Variants in CSMD3 observed in about 807,000 individuals in gnomAD.
CSMD3 encodes the protein CUB and sushi domain-containing protein 3.
CSMD3 carries 177 observed loss-of-function variants against 435.2 expected under a neutral mutation model. The observed-to-expected ratio is 0.41, with a 90% CI of 0.36 to 0.46. CSMD3 has a LOEUF of 0.46. Among genes scored for constraint, CSMD3 ranks in the 20% least tolerant of loss-of-function variants. The pLI is 0.34. For missense variants in CSMD3, 4,265 were observed against 4,504.6 expected (o/e 0.95, Z 1.52); for synonymous variants, 1,656 against 1,520.5 (o/e 1.09, Z -2.07).
chr8:113,121,454 C>T (rs1003843539), intron 4 of CSMD3, among the ~76,000 whole-genome samples: 1 of 152,048 alleles, frequency 6.6e-6, no homozygotes, highest in African/African-American at 2.4e-5. Context: ...GAGGTGATCA[C>T]GTAAAATCTT....
chr8:113,202,961 A>G (rs1028833388), intron 3 of CSMD3, among the ~76,000 whole-genome samples: 1 of 152,100 alleles, frequency 6.6e-6, no homozygotes, highest in Non-Finnish European at 1.5e-5. Context: ...CAATTTATGG[A>G]ATTACAGAAG....
intron 52 of CSMD3, among the ~76,000 whole-genome samples, 153 bp from the exon 53 acceptor site, chr8:112,302,119 T>C (rs932177254): frequency 2.6e-5 from 4 of 152,032 alleles, no homozygotes; most frequent in South Asian, 4.1e-4. Context: ...AGTGTGAAAG[T>C]AGGGAGAAAA....
chr8:113,220,350 G>A (rs1165470763), intron 3 of CSMD3, among the ~76,000 whole-genome samples: 2 of 151,352 alleles, frequency 1.3e-5, no homozygotes, highest in African/African-American at 2.4e-5. Context: ...ATCCTGGAAT[G>A]TCTTGTTATG....
At chr8:112,777,360 T>C (rs1178754022) in intron 13 of CSMD3, among the ~76,000 whole-genome samples, 1 of 151,830 alleles carries the variant, frequency 6.6e-6, no homozygotes, top group Non-Finnish European at 1.5e-5. Context: ...TTTTTCTATT[T>C]GTATAAGGCA....
chr8:112,849,805 G>T (rs950910629), intron 11 of CSMD3, among the ~76,000 whole-genome samples: 1 of 151,854 alleles, frequency 6.6e-6, no homozygotes, highest in Non-Finnish European at 1.5e-5. Flanking sequence ...TAAGTTATGG[G>T]GTAGGACACA....
chr8:113,426,705 A>G (rs1410069123), intron 1 of CSMD3, among the ~76,000 whole-genome samples: 1 of 151,492 alleles, frequency 6.6e-6, no homozygotes, highest in African/African-American at 2.4e-5. Flanking sequence ...TGAAATGTCA[A>G]GTGAATTTGT....
At chr8:113,356,366 T>C (rs992230969) in intron 1 of CSMD3, among the ~76,000 whole-genome samples, 6 of 152,248 alleles carry the variant, frequency 3.9e-5, no homozygotes, top group East Asian at 3.9e-4. Context: ...AGAACTATGT[T>C]CATCAAACCT....
intron 13 of CSMD3, among the ~76,000 whole-genome samples, chr8:112,699,253 G>C (rs904605278): frequency 1.3e-5 from 2 of 152,134 alleles, no homozygotes; most frequent in African/African-American, 4.8e-5. Context: ...CTTCACTCCT[G>C]AAGTCAGCAA....
At chr8:112,403,395 A>G (rs1485728996) in intron 35 of CSMD3, among the ~76,000 whole-genome samples, 1 of 152,188 alleles carries the variant, frequency 6.6e-6, no homozygotes. Context: ...ACAAATATGT[A>G]TTTAAATTAC....
intron 1 of CSMD3, among the ~76,000 whole-genome samples, chr8:113,332,642 T>C (rs991948375): frequency 1.3e-5 from 2 of 151,736 alleles, no homozygotes; most frequent in Admixed American, 6.6e-5. Flanking sequence ...AAATAAATGA[T>C]AGATATCCTT....
intron 30 of CSMD3, among the ~76,000 whole-genome samples, chr8:112,496,271 G>A (rs989386134): frequency 3.3e-5 from 5 of 152,176 alleles, no homozygotes; most frequent in East Asian, 1.9e-4. Context: ...GTCCAGCCAC[G>A]TCTTAATTTT....
chr8:112,531,197 G>A (rs979134374), intron 27 of CSMD3, among the ~76,000 whole-genome samples: 4 of 152,140 alleles, frequency 2.6e-5, no homozygotes, highest in Non-Finnish European at 5.9e-5. Context: ...CACAGCATGC[G>A]GCAGATCCCC....
chr8:112,795,872 A>C (rs773222690), intron 13 of CSMD3, among the ~76,000 whole-genome samples: 2 of 152,200 alleles, frequency 1.3e-5, no homozygotes, highest in Non-Finnish European at 2.9e-5. Context: ...ACAAGTATAC[A>C]AAAATCAAAA....
intron 5 of CSMD3, among the ~76,000 whole-genome samples, chr8:113,097,105 T>A (rs1317047456): frequency 6.6e-6 from 1 of 152,084 alleles, no homozygotes; most frequent in Non-Finnish European, 1.5e-5. Flanking sequence ...TTTCTCTTAA[T>A]TCTGATATTA....
chr8:112,702,929 G>A lies in CSMD3; in HGVS notation c.1973-12879C>T, dbSNP rs1207607985. The stretch of plus-strand genomic sequence containing the variant: ...AGAGATATGGTACAATCCTTTGTTA[G>A]TTTCCTTAAGCTCTACCCCCACACA... On this transcript the variant is annotated intron_variant, in intron 13 of 70. Transcript: ENST00000297405. Among the ~76,000 whole-genome samples, 3 of 152,146 alleles carry A rather than the reference G, an allele frequency of 2.0e-5. No homozygotes were observed. The East Asian group carries it at 5.8e-4, about 29-fold the overall frequency.
At chr8:113,436,655 G>A (rs781243931) in intron 1 of CSMD3, 22 bp downstream of exon 1, 8 of 1,613,092 alleles carry the variant, frequency 5.0e-6, no homozygotes, top group Non-Finnish European at 6.8e-6. Flanking sequence ...CAAAGCGGAG[G>A]GGACCCCCAA....
At chr8:112,528,454 T>A (rs574963742) in intron 27 of CSMD3, among the ~76,000 whole-genome samples, 2 of 152,060 alleles carry the variant, frequency 1.3e-5, no homozygotes, top group African/African-American at 4.8e-5. Context: ...TGCTAGCAAG[T>A]AATTAGGAAA....
intron 1 of CSMD3, among the ~76,000 whole-genome samples, chr8:113,363,424 C>T (rs879023042): frequency 6.6e-6 from 1 of 152,102 alleles, no homozygotes; most frequent in Admixed American, 6.5e-5. Flanking sequence ...TAGCAAATTA[C>T]CACAAAGTTG....
chr8:112,426,325 T>C (rs1813066750), intron 32 of CSMD3, among the ~76,000 whole-genome samples: 1 of 152,306 alleles, frequency 6.6e-6, no homozygotes, highest in Non-Finnish European at 1.5e-5. Context: ...CTATATTTTT[T>C]GGAAACAATT....
Sources: gnomAD v4.1 joint callset for allele counts (sites outside exome capture counted in the v4.1 genomes callset) on GRCh38, gnomAD v4.1.1 for gene constraint, MANE v1.5 for transcripts, NCBI Gene and HGNC (gene_info 2026-07-23, HGNC 2026-07-21) for gene names.